ASZ1: variants seen among roughly 807,000 people sequenced by gnomAD.
ASZ1 encodes the protein ankyrin repeat, SAM and basic leucine zipper domain-containing protein 1.
ASZ1 carries 67 observed loss-of-function variants against 61.8 expected under a neutral mutation model. That is an observed-to-expected ratio of 1.08 (90% confidence interval 0.89 to 1.33). The LOEUF is 1.33. ASZ1 is among the 40% of genes most tolerant of loss of function. The probability of loss-of-function intolerance (pLI) is 0.00; values close to 1 mark genes in which losing one functional copy is unlikely to be tolerated. For synonymous variants in ASZ1, 193 were observed against 192.7 expected (o/e 1.00, Z -0.01); for missense variants, 577 against 554.5 (o/e 1.04, Z -0.41).
intron 2 of ASZ1, among the ~76,000 whole-genome samples, chr7:117,424,288 A>G (rs1390224140): frequency 6.6e-6 from 1 of 152,228 alleles, no homozygotes; most frequent in African/African-American, 2.4e-5. Context: ...AGAGTTTCCA[A>G]TTGGTGCAGA....
intron 5 of ASZ1, 36 bp downstream of exon 5, chr7:117,385,662 A>G (rs1796339850): frequency 2.0e-6 from 3 of 1,497,198 alleles, no homozygotes; most frequent in Non-Finnish European, 2.8e-6. Flanking sequence ...TGATAATAAC[A>G]GAAACAAAAA....
Position 117,367,347 on chromosome 7 carries a change from T to C in ASZ1, c.1275+5A>G. On this transcript the variant is annotated splice_donor_5th_base_variant and intron_variant, in intron 12 of 12. Coordinates refer to ENST00000284629, the MANE Select transcript of ASZ1 (RefSeq NM_130768.3). The stretch of plus-strand genomic sequence containing the variant: ...TTTCCCCTCCTTTTAATGTTAAATA[T>C]ATACCTTTTGAATTAGGTCTTTTAG... The C allele has an allele frequency of 3.3e-6, 5 of 1,515,512 alleles. No individual in the cohort carries two copies. The highest frequency in any genetic ancestry group is 2.6e-6 in the Non-Finnish European group (3 of 1,133,132). 93.9% of individuals were successfully genotyped at this position (1,515,512 alleles called of 1,614,324 possible).
intron 4 of ASZ1, among the ~76,000 whole-genome samples, chr7:117,403,849 C>A (rs938663630): frequency 1.3e-5 from 2 of 152,134 alleles, no homozygotes; most frequent in African/African-American, 4.8e-5. Context: ...GCGAGCATTA[C>A]CATCTGAGCT....
At chr7:117,404,455 A>T (rs1358584023) in intron 4 of ASZ1, among the ~76,000 whole-genome samples, 4 of 143,172 alleles carry the variant, frequency 2.8e-5, no homozygotes, top group Middle Eastern at 3.5e-3. Context: ...TTCATCCAGC[A>T]GTGCATACCT....
At chr7:117,384,362 GT>G (rs1796308723) in intron 6 of ASZ1, among the ~76,000 whole-genome samples, 1 of 151,970 alleles carries the variant, frequency 6.6e-6, no homozygotes, top group Non-Finnish European at 1.5e-5. Context: ...ACAAAAGAAT[GT>G]TTGAGTTACA....
intron 4 of ASZ1, among the ~76,000 whole-genome samples, chr7:117,403,325 C>A (rs1796715854): frequency 6.6e-6 from 1 of 152,114 alleles, no homozygotes; most frequent in Non-Finnish European, 1.5e-5. Flanking sequence ...ATGGGCTGTG[C>A]ACTACTGGCC....
rs755554685 is a variant in ASZ1 at position 117,427,358 on chromosome 7, G to A, written c.103C>T (p.Gln35Ter). The change falls in exon 1 of 13, where the codon CAG (glutamine) becomes TAG (stop). Residue 35 changes from glutamine (Q) to a stop codon, truncating the protein, a stop_gained and splice_region_variant. Coordinates refer to ENST00000284629, the MANE Select transcript of ASZ1 (RefSeq NM_130768.3). LOFTEE classifies it high-confidence loss of function. ...WEIGYLDRTSQKLKRLLPIEE... is the reference protein window; with the variant it reads ...WEIGYLDRTS ...CAAGACAAGGCCTCCTCCGCTACCT[G>A]AGACGTCCGGTCGAGATACCCAATC... The A allele has an allele frequency of 1.2e-6, 2 of 1,614,188 alleles. No individual in the cohort carries two copies. Among genetic ancestry groups the A allele is most frequent in the Non-Finnish European group, 8.5e-7 (1 of 1,179,994 alleles).
chr7:117,425,941 G>A (rs2116546936), intron 2 of ASZ1, among the ~76,000 whole-genome samples: 1 of 152,182 alleles, frequency 6.6e-6, no homozygotes, highest in Non-Finnish European at 1.5e-5. Context: ...GTTGCAGTGA[G>A]CGAAGATGGT....
intron 4 of ASZ1, among the ~76,000 whole-genome samples, chr7:117,387,307 T>TCAA (rs3034755): frequency 0.25 from 37,061 of 147,146 alleles, 4,849 homozygotes; most frequent in Middle Eastern, 0.34. Context: ...AGACCCTGTC[T>TCAA]CAACAACAAC....
intron 7 of ASZ1, 126 bp downstream of exon 7, chr7:117,382,860 C>T: frequency 9.3e-7 from 1 of 1,072,522 alleles, no homozygotes; most frequent in South Asian, 2.8e-5. Flanking sequence ...AAAACCCAGA[C>T]ATTTAAAAAT....
chr7:117,372,849 T>C (rs1562845474), intron 10 of ASZ1, among the ~76,000 whole-genome samples: 2 of 152,194 alleles, frequency 1.3e-5, no homozygotes, highest in Non-Finnish European at 2.9e-5. Context: ...TTTTATATTG[T>C]GCCTTTTATA....
At chr7:117,397,000 T>A (rs901023137) in intron 4 of ASZ1, among the ~76,000 whole-genome samples, 1 of 151,540 alleles carries the variant, frequency 6.6e-6, no homozygotes, top group African/African-American at 2.4e-5. Flanking sequence ...AGAAATAGCA[T>A]CTACAACATG....
intron 4 of ASZ1, among the ~76,000 whole-genome samples, chr7:117,411,672 G>T (rs1174549076): frequency 6.6e-6 from 1 of 151,758 alleles, no homozygotes; most frequent in Non-Finnish European, 1.5e-5. Flanking sequence ...CATCGTTATG[G>T]CAAACAAACA....
intron 4 of ASZ1, among the ~76,000 whole-genome samples, chr7:117,413,012 C>T (rs1796925885): frequency 1.3e-5 from 2 of 151,626 alleles, no homozygotes. Context: ...AAAGTGGTAA[C>T]ATTGTTCTGT....
chr7:117,382,809 T>C (rs777236023), intron 7 of ASZ1, among the ~76,000 whole-genome samples, 177 bp downstream of exon 7: 1 of 152,014 alleles, frequency 6.6e-6, no homozygotes, highest in Non-Finnish European at 1.5e-5. Flanking sequence ...TGTTAGTACA[T>C]AAAAATGAAT....
At chr7:117,425,990 T>C (rs996575318) in intron 2 of ASZ1, among the ~76,000 whole-genome samples, 4 of 151,570 alleles carry the variant, frequency 2.6e-5, no homozygotes, top group Admixed American at 2.0e-4. Context: ...AGACACTCCA[T>C]CCCCTTCCTT....
At chr7:117,370,254 T>TA (rs1796022165) in intron 10 of ASZ1, among the ~76,000 whole-genome samples, 1 of 152,152 alleles carries the variant, frequency 6.6e-6, no homozygotes, top group East Asian at 1.9e-4. Flanking sequence ...ACAGTAGTAT[T>TA]AGAGATGTCT....
At chr7:117,381,765 G>A (rs1251600823) in intron 8 of ASZ1, among the ~76,000 whole-genome samples, 2 of 152,052 alleles carry the variant, frequency 1.3e-5, no homozygotes, top group Non-Finnish European at 2.9e-5. Flanking sequence ...TTAAAATCAC[G>A]CTCTTCCAAT....
At chr7:117,394,753 A>T (rs1796546139) in intron 4 of ASZ1, among the ~76,000 whole-genome samples, 1 of 151,838 alleles carries the variant, frequency 6.6e-6, no homozygotes, top group African/African-American at 2.4e-5. Flanking sequence ...ATTCTTGGAG[A>T]TTTCCTCACC....
Sources: allele counts gnomAD v4.1 joint callset (sites outside exome capture counted in the v4.1 genomes callset), GRCh38; gene constraint gnomAD v4.1.1; transcripts MANE v1.5; gene names NCBI Gene and HGNC (gene_info 2026-07-23, HGNC 2026-07-21).